RAD51B: variants seen among roughly 807,000 people sequenced by gnomAD.
The protein encoded by RAD51B is RAD51 paralog B.
In RAD51B, 38 loss-of-function variants were observed where a neutral mutation model predicts 42.2. The ratio of observed to expected loss-of-function variants is 0.90; its 90% CI spans 0.70 to 1.18. The LOEUF is 1.18. Among genes scored for constraint, RAD51B ranks in the 50% most tolerant of loss-of-function variants. The pLI is 0.00. For missense variants in RAD51B, 373 were observed against 400.7 expected (o/e 0.93, Z 0.59); for synonymous variants, 154 against 145.2 (o/e 1.06, Z -0.43).
chr14:68,374,079 T>C (rs2083314022), intron 8 of RAD51B, among the ~76,000 whole-genome samples: 1 of 152,194 alleles, frequency 6.6e-6, no homozygotes. Flanking sequence ...GATGAGGAAA[T>C]GAAACTCAAC....
intron 7 of RAD51B, among the ~76,000 whole-genome samples, chr14:68,191,963 C>T (rs1418760148): frequency 1.6e-4 from 25 of 152,164 alleles, no homozygotes; most frequent in Admixed American, 1.6e-3. Flanking sequence ...ATGATATACT[C>T]AGATACACTC....
chr14:68,506,705 G>T (rs905005854), intron 10 of RAD51B, among the ~76,000 whole-genome samples: 1 of 151,850 alleles, frequency 6.6e-6, no homozygotes, highest in Non-Finnish European at 1.5e-5. Context: ...AAAGGCGGGT[G>T]GGGGGGACAA....
At chr14:68,177,608 G>T (rs1485074981) in intron 7 of RAD51B, among the ~76,000 whole-genome samples, 1 of 152,084 alleles carries the variant, frequency 6.6e-6, no homozygotes, top group Non-Finnish European at 1.5e-5. Flanking sequence ...GAGGGCGATG[G>T]AGGGGGCCAG....
intron 7 of RAD51B, among the ~76,000 whole-genome samples, chr14:68,143,568 T>C (rs767158197): frequency 1.3e-5 from 2 of 152,244 alleles, no homozygotes; most frequent in Non-Finnish European, 2.9e-5. Context: ...GCCAGAACTT[T>C]GGCTAGCTCT....
At chr14:68,004,877 T>C (rs2075554698) in intron 7 of RAD51B, among the ~76,000 whole-genome samples, 1 of 151,928 alleles carries the variant, frequency 6.6e-6, no homozygotes, top group African/African-American at 2.4e-5. Flanking sequence ...TTTTTTTTGG[T>C]ATATGGCCTT....
At chr14:68,369,365 A>G (rs1024954162) in intron 8 of RAD51B, among the ~76,000 whole-genome samples, 4 of 152,196 alleles carry the variant, frequency 2.6e-5, no homozygotes, top group Non-Finnish European at 4.4e-5. Flanking sequence ...TCTTGCACAG[A>G]TTGCGTCCAC....
At chr14:68,558,475 G>T (rs985343365) in intron 10 of RAD51B, among the ~76,000 whole-genome samples, 1 of 152,196 alleles carries the variant, frequency 6.6e-6, no homozygotes, top group Non-Finnish European at 1.5e-5. Flanking sequence ...CAAGGTTTCG[G>T]CAGGGCCATG....
At chr14:68,480,868 C>T (rs1023127010), downstream of RAD51B, among the ~76,000 whole-genome samples, 6 of 152,188 alleles carry the variant, frequency 3.9e-5, no homozygotes, top group Non-Finnish European at 8.8e-5. Context: ...GGAGGGAACT[C>T]AAGAATACGG....
At chr14:68,323,427 C>A (rs561985712) in intron 8 of RAD51B, among the ~76,000 whole-genome samples, 3 of 152,270 alleles carry the variant, frequency 2.0e-5, no homozygotes, top group East Asian at 1.9e-4. Context: ...GAGTCTGAGG[C>A]CTTGGCAGCT....
chr14:68,515,783 T>C lies in RAD51B; in HGVS notation c.1036+47533T>C, dbSNP rs535580464. ...TTCTTTCTTTCTTTTCTTTTCTTTT[T>C]TTTTTTTTTTTTGAGACAGAGTCTC... On this transcript the variant is annotated intron_variant, in intron 10 of 10. Coordinates refer to the RAD51B transcript ENST00000487270. 1.1e-3 allele frequency among the ~76,000 whole-genome samples: 160 copies of C among 145,444 alleles called. 1 individual carries two copies. Among genetic ancestry groups the C allele is most frequent in the Non-Finnish European group, 1.9e-3 (125 of 65,706 alleles).
intron 7 of RAD51B, among the ~76,000 whole-genome samples, chr14:68,217,625 C>T (rs1177758883): frequency 1.3e-5 from 2 of 152,122 alleles, no homozygotes; most frequent in South Asian, 2.1e-4. Context: ...TGAAAATGTA[C>T]AGTCCCTGTC....
chr14:68,282,929 C>G (rs994422450), intron 7 of RAD51B, among the ~76,000 whole-genome samples: 1 of 152,200 alleles, frequency 6.6e-6, no homozygotes, highest in Non-Finnish European at 1.5e-5. Context: ...CAACTCCGCT[C>G]TACTATATGC....
intron 11 of RAD51B, among the ~76,000 whole-genome samples, chr14:68,668,218 A>G (rs990045106): frequency 6.6e-6 from 1 of 152,194 alleles, no homozygotes. Flanking sequence ...AAGCAGCCAC[A>G]TTCCTGGGGG....
chr14:68,519,854 G>C (rs968077244), intron 10 of RAD51B, among the ~76,000 whole-genome samples: 1 of 152,134 alleles, frequency 6.6e-6, no homozygotes, highest in African/African-American at 2.4e-5. Context: ...CAAAGACCTT[G>C]TTGACTTCAT....
At chr14:68,213,389 C>CA (rs1455388017) in intron 7 of RAD51B, among the ~76,000 whole-genome samples, 4 of 152,158 alleles carry the variant, frequency 2.6e-5, no homozygotes, top group African/African-American at 9.7e-5. Context: ...GCACAGATGG[C>CA]AGAGGACCAT....
At chr14:68,323,855 C>T (rs1487580445) in intron 8 of RAD51B, among the ~76,000 whole-genome samples, 6 of 152,154 alleles carry the variant, frequency 3.9e-5, no homozygotes, top group African/African-American at 1.2e-4. Context: ...AGAATGGAAG[C>T]GGGAGTGGAG....
At chr14:68,291,663 T>C (rs1193205431) in intron 7 of RAD51B, among the ~76,000 whole-genome samples, 1 of 152,228 alleles carries the variant, frequency 6.6e-6, no homozygotes, top group Non-Finnish European at 1.5e-5. Context: ...AGTCAGTCTA[T>C]TTCCTCAGTT....
At chr14:68,455,455 C>T (rs1337033364) in intron 9 of RAD51B, among the ~76,000 whole-genome samples, 12 of 152,070 alleles carry the variant, frequency 7.9e-5, no homozygotes, top group Admixed American at 5.2e-4. Flanking sequence ...TGGTGGCTCA[C>T]ACCTGTAATC....
intron 9 of RAD51B, among the ~76,000 whole-genome samples, 164 bp downstream of exon 9, chr14:68,411,691 A>G (rs140206267): frequency 1.3e-5 from 2 of 152,346 alleles, no homozygotes; most frequent in African/African-American, 4.8e-5. Flanking sequence ...AACAACAGTT[A>G]TAATAAAGTG....
Sources: allele counts gnomAD v4.1 joint callset (sites outside exome capture counted in the v4.1 genomes callset), GRCh38; gene constraint gnomAD v4.1.1; transcripts MANE v1.5; gene names NCBI Gene and HGNC (gene_info 2026-07-23, HGNC 2026-07-21).